The following GADL1 variants were observed in gnomAD, a reference collection of about 807,000 sequenced individuals.
The protein encoded by GADL1 is acidic amino acid decarboxylase GADL1.
Under a neutral mutation model 69.5 loss-of-function variants are expected in GADL1, and 71 were observed. That is an observed-to-expected ratio of 1.02 (90% CI 0.84 to 1.25). The LOEUF (loss-of-function observed/expected upper bound fraction) is 1.25. Ranked by LOEUF, GADL1 falls within the 50% of genes most tolerant of loss-of-function variation. The pLI, the probability that GADL1 is intolerant of heterozygous loss-of-function variation, is 0.00. For missense variants in GADL1, 737 were observed against 631.8 expected, an observed-to-expected ratio of 1.17 and a Z score of -1.79; for synonymous variants, 254 against 214.4, an observed-to-expected ratio of 1.18 and a Z score of -1.62.
chr3:30,747,170 A>T (rs1023546118), intron 14 of GADL1, among the ~76,000 whole-genome samples: 3 of 152,202 alleles, frequency 2.0e-5, no homozygotes, highest in Non-Finnish European at 4.4e-5. Flanking sequence ...AGACCAATCA[A>T]TTAGAATCAG....
chr3:30,731,638 A>G (rs532494051), intron 14 of GADL1, among the ~76,000 whole-genome samples: 1 of 152,312 alleles, frequency 6.6e-6, no homozygotes, highest in Non-Finnish European at 1.5e-5. Flanking sequence ...GCAGGGAATA[A>G]AAACCAAACT....
At chr3:30,839,200 TCCAGAGA>T in intron 8 of GADL1, 87 bp from the exon 9 acceptor site, 1 of 811,360 alleles carries the variant, frequency 1.2e-6, no homozygotes, top group South Asian at 2.8e-5. Context: ...GGGTTATGCA[TCCAGAGA>T]GTTATTTGGG....
At chr3:30,757,882 AAT>A (rs1212238752) in intron 14 of GADL1, among the ~76,000 whole-genome samples, 8 of 152,312 alleles carry the variant, frequency 5.3e-5, no homozygotes, top group Admixed American at 3.3e-4. Context: ...AATCAAAAGG[AAT>A]ATCTGAGCTT....
intron 14 of GADL1, among the ~76,000 whole-genome samples, chr3:30,746,324 C>T (rs1695702595): frequency 6.6e-6 from 1 of 152,174 alleles, no homozygotes; most frequent in Admixed American, 6.5e-5. Flanking sequence ...AAATTACACA[C>T]TTTAAGGTAC....
At chr3:30,875,600 A>G (rs1698567355) in intron 1 of GADL1, among the ~76,000 whole-genome samples, 1 of 151,910 alleles carries the variant, frequency 6.6e-6, no homozygotes, top group African/African-American at 2.4e-5. Context: ...ACGAAAGAAT[A>G]GGAGGCAGAG....
chr3:30,890,909 T>C (rs1190354788), intron 1 of GADL1, among the ~76,000 whole-genome samples: 1 of 152,178 alleles, frequency 6.6e-6, no homozygotes, highest in African/African-American at 2.4e-5. Flanking sequence ...TTCATGATAA[T>C]CCTAAACAGT....
rs1696241013 is a variant in GADL1 at position 30,765,180 on chromosome 3, A to C, written c.1392+12999T>G. On this transcript the variant is annotated intron_variant, in intron 14 of 14. Transcript: ENST00000282538. Reference sequence around the variant, plus strand: ...GCCATCAAAATGTTCATCTCCCCTAACATGTCTTCCTTAAGCTGTCCTTAT... The same window carrying C: ...GCCATCAAAATGTTCATCTCCCCTACCATGTCTTCCTTAAGCTGTCCTTAT... Among the ~76,000 whole-genome samples, 9 of 152,230 alleles carry C rather than the reference A, an allele frequency of 5.9e-5. 1 individual carries two copies. The South Asian group carries it at 1.9e-3, about 32-fold the overall frequency.
At chr3:30,820,977 G>GAAT (rs1697568168) in intron 11 of GADL1, among the ~76,000 whole-genome samples, 1 of 151,972 alleles carries the variant, frequency 6.6e-6, no homozygotes, top group African/African-American at 2.4e-5. Flanking sequence ...ATACACCATG[G>GAAT]AATACTATGC....
Position 30,853,470 on chromosome 3 carries a change from T to C in GADL1, c.428+1229A>G, listed in dbSNP as rs1698182222. 3.3e-5 allele frequency among the ~76,000 whole-genome samples: 5 copies of C among 152,308 alleles called. No individual in the cohort carries two copies. In the South Asian group the frequency reaches 8.3e-4, roughly 25 times the overall value. ...ATAATTCTTAAGTTTATACCTTTCA[T>C]ATAGACATCAGAATTCCAAGCCCAT... On this transcript the variant is annotated intron_variant, in intron 4 of 14. Transcript: ENST00000282538.
chr3:30,826,100 T>C (rs1013352459), intron 11 of GADL1, among the ~76,000 whole-genome samples: 1 of 151,962 alleles, frequency 6.6e-6, no homozygotes, highest in Non-Finnish European at 1.5e-5. Context: ...AGGCTTGTTT[T>C]ATTCCTTTAA....
At chr3:30,858,725 G>C (rs890667855) in intron 2 of GADL1, among the ~76,000 whole-genome samples, 4 of 151,964 alleles carry the variant, frequency 2.6e-5, no homozygotes, top group Non-Finnish European at 5.9e-5. Context: ...GTTGATCTGA[G>C]GCTCTTGCAA....
At chr3:30,854,622 A>G in intron 4 of GADL1, 77 bp downstream of exon 4, 2 of 840,560 alleles carry the variant, frequency 2.4e-6, no homozygotes, top group South Asian at 1.6e-5. Flanking sequence ...TTAAATAGAG[A>G]TTTTTGAAAT....
At chr3:30,830,887 A>C (rs977656536) in intron 11 of GADL1, among the ~76,000 whole-genome samples, 2 of 151,978 alleles carry the variant, frequency 1.3e-5, no homozygotes, top group Non-Finnish European at 2.9e-5. Flanking sequence ...AAATGGAATC[A>C]TTCGTTCAGT....
chr3:30,818,992 A>G (rs1443756921), intron 11 of GADL1, among the ~76,000 whole-genome samples: 5 of 152,088 alleles, frequency 3.3e-5, no homozygotes, highest in African/African-American at 1.2e-4. Context: ...CATACCAGCC[A>G]TTCTGAAGCC....
At chr3:30,812,888 A>G (rs746517945) in intron 11 of GADL1, among the ~76,000 whole-genome samples, 1 of 151,968 alleles carries the variant, frequency 6.6e-6, no homozygotes, top group Non-Finnish European at 1.5e-5. Context: ...GAGAGAAGAG[A>G]GATAGAAGTG....
intron 5 of GADL1, 68 bp downstream of exon 5, chr3:30,850,764 AGTT>A (rs889605747): frequency 7.8e-5 from 65 of 829,566 alleles, no homozygotes; most frequent in Admixed American, 1.7e-4. Context: ...ATCTGCAAGG[AGTT>A]GTTCCTCATG....
At chr3:30,743,850 T>A (rs187958345) in intron 14 of GADL1, among the ~76,000 whole-genome samples, 49 of 152,302 alleles carry the variant, frequency 3.2e-4, no homozygotes, top group Non-Finnish European at 2.9e-5. Context: ...AAGTGACCAC[T>A]TCTGAGCTGA....
chr3:30,739,784 C>G (rs1695590566), intron 14 of GADL1, among the ~76,000 whole-genome samples: 1 of 152,084 alleles, frequency 6.6e-6, no homozygotes, highest in Admixed American at 6.6e-5. Context: ...CTGTATTATT[C>G]ATAAAAATAT....
chr3:30,881,476 G>A (rs1327780758), intron 1 of GADL1, among the ~76,000 whole-genome samples: 1 of 151,844 alleles, frequency 6.6e-6, no homozygotes, highest in African/African-American at 2.4e-5. Context: ...AAAGCATCAA[G>A]TGGTGATTAA....
Sources: allele counts gnomAD v4.1 joint callset (sites outside exome capture counted in the v4.1 genomes callset), GRCh38; gene constraint gnomAD v4.1.1; transcripts MANE v1.5; gene names NCBI Gene and HGNC (gene_info 2026-07-23, HGNC 2026-07-21).